Variants in ZMYND8 observed in about 807,000 individuals in gnomAD.
ZMYND8 encodes the protein zinc finger MYND-type containing 8.
In ZMYND8, 37 loss-of-function variants were observed where a neutral mutation model predicts 140.8. The ratio of observed to expected loss-of-function variants is 0.26; its 90% confidence interval spans 0.20 to 0.35. ZMYND8 has a LOEUF of 0.35. Ranked by LOEUF, ZMYND8 falls within the 10% of genes least tolerant of loss-of-function variation. The pLI, the probability that ZMYND8 is intolerant of heterozygous loss-of-function variation, is 1.00. For synonymous variants in ZMYND8, 592 were observed against 597.1 expected, an observed-to-expected ratio of 0.99 and a Z score of 0.12; for missense variants, 1,068 against 1,570.0, an observed-to-expected ratio of 0.68 and a Z score of 5.40.
intron 10 of ZMYND8, among the ~76,000 whole-genome samples, chr20:47,280,382 C>T (rs946851378): frequency 6.6e-6 from 1 of 152,270 alleles, no homozygotes; most frequent in East Asian, 1.9e-4. Context: ...CCAGCTTCCA[C>T]GACAGCTCTC....
At chr20:47,218,967 A>C (rs2036523141) in intron 21 of ZMYND8, among the ~76,000 whole-genome samples, 1 of 151,896 alleles carries the variant, frequency 6.6e-6, no homozygotes, top group Admixed American at 6.6e-5. Context: ...CTGTAATCCC[A>C]GCACTTCCGG....
In ZMYND8 at chr20:47,236,444, G is replaced by A. The variant is rs375201012; in HGVS notation, c.2738C>T (p.Ser913Leu). 4 of 1,613,624 alleles carry A rather than the reference G, an allele frequency of 2.5e-6. No homozygotes were observed. Among genetic ancestry groups the A allele is most frequent in the East Asian group, 4.5e-5 (2 of 44,880 alleles). Residue 913 changes from serine (S) to leucine (L), a missense_variant, in exon 16 of 23, where the codon TCG (serine) becomes TTG (leucine). Ser to Leu is a moderately radical substitution (Grantham distance 145, BLOSUM62 -2). Coordinates refer to ENST00000471951, the MANE Select transcript of ZMYND8 (RefSeq NM_001281775.3). ...TITLVTSTQS[S>L]PLVTSSGSMS... ...GGACCCCGAGCTGGTGACCAGGGGC[G>A]ATGACTGTGTGCTGGTCACCAGGGT...
At chr20:47,238,555 A>C (rs2039538225) in intron 15 of ZMYND8, 1 of 960,014 alleles carries the variant, frequency 1.0e-6, no homozygotes, top group Admixed American at 2.7e-5. Flanking sequence ...AAATGAACAA[A>C]AAAAACTTTT....
chr20:47,279,535 G>A (rs549752296), intron 10 of ZMYND8, among the ~76,000 whole-genome samples: 17 of 152,036 alleles, frequency 1.1e-4, no homozygotes, highest in African/African-American at 3.6e-4. Flanking sequence ...AGTATTTCAA[G>A]CGAAATTAGA....
rs3092175 is a variant in ZMYND8 at position 47,219,055 on chromosome 20, A to ATTTTTTTTTTTTTTTTTTTTTTTTTTTT, written c.3484+1202_3484+1203insAAAAAAAAAAAAAAAAAAAAAAAAAAAA. Among the ~76,000 whole-genome samples the ATTTTTTTTTTTTTTTTTTTTTTTTTTTT allele has an allele frequency of 6.0e-4, 66 of 110,918 alleles. 3 individuals carry two copies. Among genetic ancestry groups the ATTTTTTTTTTTTTTTTTTTTTTTTTTTT allele is most frequent in the East Asian group, 1.1e-3 (4 of 3,570 alleles). 72.8% of individuals were successfully genotyped at this position (110,918 alleles called of 152,430 possible). A position where few individuals can be genotyped will look rare whatever the true frequency, so the allele number is the denominator to read the frequency against. On this transcript the variant is annotated intron_variant, in intron 21 of 22. Transcript: ENST00000471951. ...AACATGGCAAAACCCCGTTTCTACA[A>ATTTTTTTTTTTTTTTTTTTTTTTTTTTT]TTTTTTTTTTTTTTTTTTTTGAGAG... is the stretch of plus-strand genomic sequence containing the variant.
chr20:47,216,609 A>C (rs1406858938), intron 21 of ZMYND8, among the ~76,000 whole-genome samples: 1 of 151,446 alleles, frequency 6.6e-6, no homozygotes, highest in Non-Finnish European at 1.5e-5. Flanking sequence ...GGGGTTCAAG[A>C]CCAGCCTGGC....
intron 12 of ZMYND8, among the ~76,000 whole-genome samples, chr20:47,262,040 C>T (rs2075195803): frequency 6.6e-6 from 1 of 151,950 alleles, no homozygotes; most frequent in Non-Finnish European, 1.5e-5. Flanking sequence ...CCTTGCACTC[C>T]AGCCTGGGCA....
intron 10 of ZMYND8, 72 bp from the exon 11 acceptor site, chr20:47,276,867 G>T: frequency 2.3e-6 from 3 of 1,321,578 alleles, no homozygotes; most frequent in Non-Finnish European, 3.0e-6. Context: ...TTCTTGATGT[G>T]AACCAAATTA....
At position 47,235,133 on chromosome 20, in the gene ZMYND8, A is replaced by T. The variant is rs547119309; in HGVS notation, c.2856+1193T>A. ...ATTTACTAACTAATCTCAGTAGATTATAAATCAATAGCTATTATTAAGTTA... is the reference window on the plus strand; with the variant it reads ...ATTTACTAACTAATCTCAGTAGATTTTAAATCAATAGCTATTATTAAGTTA... On this transcript the variant is annotated intron_variant, in intron 16 of 22. Coordinates refer to ENST00000471951, the MANE Select transcript of ZMYND8 (RefSeq NM_001281775.3). Among the ~76,000 whole-genome samples, 148 of 152,384 alleles carry T rather than the reference A, an allele frequency of 9.7e-4. 4 individuals are homozygous for T. In the South Asian group the frequency reaches 0.03, roughly 31 times the overall value.
chr20:47,338,380 T>A (rs911820825), intron 2 of ZMYND8, among the ~76,000 whole-genome samples: 1 of 151,700 alleles, frequency 6.6e-6, no homozygotes, highest in African/African-American at 2.4e-5. Flanking sequence ...CCGGGTCATG[T>A]CACAGGGGAA....
chr20:47,235,542 TAAAAAAA>T (rs1168647606), intron 16 of ZMYND8, among the ~76,000 whole-genome samples: 1 of 151,764 alleles, frequency 6.6e-6, no homozygotes, highest in Non-Finnish European at 1.5e-5. Context: ...CCATCTCTAC[TAAAAAAA>T]TACAAAGATT....
intron 11 of ZMYND8, among the ~76,000 whole-genome samples, chr20:47,268,479 G>C (rs565331796): frequency 1.3e-5 from 2 of 151,514 alleles, no homozygotes; most frequent in East Asian, 4.0e-4. Flanking sequence ...ATTTTTAATA[G>C]AGACGGTGTT....
chr20:47,221,287 T>C (rs1285657178), intron 20 of ZMYND8, 27 bp downstream of exon 20: 1 of 1,612,568 alleles, frequency 6.2e-7, no homozygotes, highest in East Asian at 2.2e-5. Flanking sequence ...TAGATGTCAC[T>C]AGCCAAAGGC....
Position 47,221,703 on chromosome 20 carries a change from G to A in ZMYND8, c.3257-229C>T, listed in dbSNP as rs142125096. On this transcript the variant is annotated intron_variant, in intron 19 of 22. Transcript: ENST00000471951. Reference sequence around the variant, plus strand: ...ACATGCTGAGATGGAGTCTCGCTCTGTCAGCCAGGCTGGAGTGCAATGGCA... The same window carrying A: ...ACATGCTGAGATGGAGTCTCGCTCTATCAGCCAGGCTGGAGTGCAATGGCA... 7.2e-3 allele frequency among the ~76,000 whole-genome samples: 1,099 copies of A among 152,276 alleles called. 19 individuals are homozygous for A. The highest frequency in any genetic ancestry group is 0.025 in the African/African-American group (1,035 of 41,550).
intron 11 of ZMYND8, among the ~76,000 whole-genome samples, chr20:47,268,013 G>A (rs1185401887): frequency 6.6e-6 from 1 of 152,110 alleles, no homozygotes; most frequent in Non-Finnish European, 1.5e-5. Context: ...GGCCCTGAAA[G>A]AGCAGGATCT....
At chr20:47,256,569 G>A (rs1173287557) in intron 12 of ZMYND8, among the ~76,000 whole-genome samples, 5 of 152,308 alleles carry the variant, frequency 3.3e-5, no homozygotes, top group East Asian at 1.9e-4. Flanking sequence ...ACAGTGAGCC[G>A]AGATCGCGCC....
intron 2 of ZMYND8, among the ~76,000 whole-genome samples, chr20:47,315,838 C>T (rs2079347401): frequency 6.6e-6 from 1 of 152,190 alleles, no homozygotes; most frequent in Admixed American, 6.6e-5. Context: ...ACTCACAACC[C>T]TCTGCCTCTC....
At chr20:47,261,451 T>C (rs761870661) in intron 12 of ZMYND8, among the ~76,000 whole-genome samples, 2 of 151,542 alleles carry the variant, frequency 1.3e-5, no homozygotes, top group African/African-American at 2.4e-5. Flanking sequence ...AGGCAGGAAA[T>C]AGCTTGAGCC....
At chr20:47,336,662 A>AT (rs1367833400) in intron 2 of ZMYND8, among the ~76,000 whole-genome samples, 1 of 152,236 alleles carries the variant, frequency 6.6e-6, no homozygotes, top group Admixed American at 6.5e-5. Context: ...CGCACAGGGA[A>AT]TGCAAAATGA....
Sources: gnomAD v4.1 joint callset for allele counts (sites outside exome capture counted in the v4.1 genomes callset) on GRCh38, gnomAD v4.1.1 for gene constraint, MANE v1.5 for transcripts, NCBI Gene and HGNC (gene_info 2026-07-23, HGNC 2026-07-21) for gene names.